MLLT10: variants seen among roughly 807,000 people sequenced by gnomAD.
MLLT10 encodes MLLT10 histone lysine methyltransferase DOT1L cofactor.
A neutral mutation model predicts 129.1 loss-of-function variants in MLLT10; 30 were observed. That is an observed-to-expected ratio of 0.23 (90% CI 0.17 to 0.32). The LOEUF (loss-of-function observed/expected upper bound fraction) is 0.32. Among genes scored for constraint, MLLT10 ranks in the 10% least tolerant of loss-of-function variants. The pLI, the probability that MLLT10 is intolerant of heterozygous loss-of-function variation, is 1.00. For missense variants in MLLT10, 1,119 were observed against 1,268.3 expected (o/e 0.88, Z 1.79); for synonymous variants, 490 against 446.4 (o/e 1.10, Z -1.23).
At chr10:21,599,419 A>G (rs2043311250) in intron 5 of MLLT10, among the ~76,000 whole-genome samples, 1 of 152,156 alleles carries the variant, frequency 6.6e-6, no homozygotes, top group African/African-American at 2.4e-5. Flanking sequence ...ACTAATCTCT[A>G]TTACTGTATC....
chr10:21,717,877 CTCCTCCTCCTT>C (rs2056842805), intron 14 of MLLT10, among the ~76,000 whole-genome samples: 3 of 142,456 alleles, frequency 2.1e-5, no homozygotes, highest in African/African-American at 8.4e-5. Flanking sequence ...CCTCCTCCTT[CTCCTCCTCCTT>C]CTCCTCCTCC....
intron 13 of MLLT10, among the ~76,000 whole-genome samples, chr10:21,698,129 C>A (rs1158384003): frequency 1.3e-5 from 2 of 152,148 alleles, no homozygotes; most frequent in Non-Finnish European, 2.9e-5. Flanking sequence ...ATGATAGTCA[C>A]CCTAGCCTTC....
chr10:21,583,998 T>C (rs528509466), intron 3 of MLLT10, among the ~76,000 whole-genome samples: 2 of 152,066 alleles, frequency 1.3e-5, no homozygotes, highest in African/African-American at 2.4e-5. Context: ...GCCTCCCAAG[T>C]AGCTGGGACT....
chr10:21,674,682 A>G (rs1192235456), intron 11 of MLLT10, among the ~76,000 whole-genome samples: 1 of 152,168 alleles, frequency 6.6e-6, no homozygotes, highest in Non-Finnish European at 1.5e-5. Context: ...GTTAACTGAA[A>G]TGTCAGCATT....
intron 9 of MLLT10, among the ~76,000 whole-genome samples, chr10:21,654,418 G>A (rs1373572828): frequency 2.6e-5 from 4 of 152,176 alleles, no homozygotes; most frequent in Non-Finnish European, 5.9e-5. Flanking sequence ...GAAGGGATGG[G>A]ATTTTGGGGA....
intron 9 of MLLT10, among the ~76,000 whole-genome samples, chr10:21,660,433 T>C (rs1309385317): frequency 7.3e-5 from 11 of 151,256 alleles, no homozygotes; most frequent in Non-Finnish European, 1.2e-4. Context: ...CTGGCCAACA[T>C]GGAGAAACTC....
In MLLT10 at chr10:21,534,658, A is replaced by T; in HGVS notation, c.14A>T (p.Asp5Val). The T allele has an allele frequency of 6.2e-7, 1 of 1,609,542 alleles. No individual in the cohort carries two copies. Among genetic ancestry groups the T allele is most frequent in the South Asian group, 1.1e-5 (1 of 90,466 alleles). Residue 5 changes from aspartate to valine, a missense_variant, in exon 2 of 23, where the codon GAC becomes GTC. Transcript: ENST00000307729. MVSS[D>V]RPVSLEDEVS... ...ACTCCCTCTTAGATGGTCTCTAGCG[A>T]CCGGCCCGTGTCACTGGAGGACGAG...
intron 2 of MLLT10, among the ~76,000 whole-genome samples, chr10:21,536,457 A>G (rs975538174): frequency 1.3e-5 from 2 of 152,342 alleles, no homozygotes; most frequent in South Asian, 4.1e-4. Context: ...TTTTATTCAA[A>G]TCTTAAATTT....
chr10:21,613,627 C>A lies in MLLT10; in HGVS notation c.509+1176C>A, dbSNP rs1386372364. 3.2e-3 allele frequency among the ~76,000 whole-genome samples: 485 copies of A among 152,142 alleles called. 5 individuals carry two copies. The highest frequency in any genetic ancestry group is 0.011 in the African/African-American group (453 of 41,412). On this transcript the variant is annotated intron_variant, in intron 6 of 22. Coordinates refer to ENST00000307729, the MANE Select transcript of MLLT10 (RefSeq NM_001195626.3). Reference sequence around the variant, plus strand: ...TGTTTTTAAAAATGAATATGCTAGGCACTGTGGCTTACGCCTGTAATCCCC... The same window carrying A: ...TGTTTTTAAAAATGAATATGCTAGGAACTGTGGCTTACGCCTGTAATCCCC...
At chr10:21,608,222 G>A (rs1025841972) in intron 5 of MLLT10, among the ~76,000 whole-genome samples, 1 of 151,392 alleles carries the variant, frequency 6.6e-6, no homozygotes, top group African/African-American at 2.4e-5. Flanking sequence ...ATGCTGGAGT[G>A]CAGTGGCACG....
At chr10:21,579,772 A>G (rs1353097103) in intron 3 of MLLT10, among the ~76,000 whole-genome samples, 1 of 151,806 alleles carries the variant, frequency 6.6e-6, no homozygotes, top group African/African-American at 2.4e-5. Context: ...CATGTTGGTC[A>G]GGCTGGTCTC....
intron 3 of MLLT10, among the ~76,000 whole-genome samples, chr10:21,573,136 GTT>G (rs2131042215): frequency 6.6e-6 from 1 of 152,160 alleles, no homozygotes. Flanking sequence ...ATAAAACACT[GTT>G]TTATCTCTTT....
intron 13 of MLLT10, among the ~76,000 whole-genome samples, chr10:21,689,567 A>ATG (rs1554850088): frequency 1.7e-4 from 10 of 60,298 alleles, no homozygotes; most frequent in African/African-American, 5.8e-4. Context: ...ATATATATGT[A>ATG]TATATATATA....
chr10:21,686,212 A>C (rs1378918792), intron 13 of MLLT10, among the ~76,000 whole-genome samples: 1 of 152,192 alleles, frequency 6.6e-6, no homozygotes, highest in Admixed American at 6.5e-5. Flanking sequence ...CAAACATGAA[A>C]TACAAGGCAC....
intron 13 of MLLT10, among the ~76,000 whole-genome samples, chr10:21,712,297 T>C (rs189022890): frequency 6.6e-6 from 1 of 152,242 alleles, no homozygotes; most frequent in East Asian, 1.9e-4. Flanking sequence ...CACTACAACC[T>C]TGAACTTCCA....
At chr10:21,687,085 A>G (rs2053374738) in intron 13 of MLLT10, among the ~76,000 whole-genome samples, 1 of 152,186 alleles carries the variant, frequency 6.6e-6, no homozygotes, top group Non-Finnish European at 1.5e-5. Context: ...GCACTTTTAA[A>G]TTCCCTTTAA....
intron 8 of MLLT10, among the ~76,000 whole-genome samples, chr10:21,647,601 A>C (rs1228920867): frequency 6.7e-6 from 1 of 150,232 alleles, no homozygotes; most frequent in Non-Finnish European, 1.5e-5. Flanking sequence ...ACAAAACCCA[A>C]CAACTTTGGT....
At chr10:21,736,834 G>C (rs1410257593) in intron 21 of MLLT10, among the ~76,000 whole-genome samples, 1 of 152,152 alleles carries the variant, frequency 6.6e-6, no homozygotes, top group Non-Finnish European at 1.5e-5. Flanking sequence ...TAGAAATCTG[G>C]GGTTAGTGCT....
At chr10:21,689,656 TA>T (rs1369490790) in intron 13 of MLLT10, among the ~76,000 whole-genome samples, 32 of 143,868 alleles carry the variant, frequency 2.2e-4, no homozygotes, top group African/African-American at 6.4e-4. Context: ...TATATATATA[TA>T]TATATTTTTT....
Sources: allele counts gnomAD v4.1 joint callset (sites outside exome capture counted in the v4.1 genomes callset), GRCh38; gene constraint gnomAD v4.1.1; transcripts MANE v1.5; gene names NCBI Gene and HGNC (gene_info 2026-07-23, HGNC 2026-07-21).